The following BCAT1 variants were observed in gnomAD, a reference collection of about 807,000 sequenced individuals.
BCAT1 encodes the protein branched chain amino acid transaminase 1, also known as branched-chain-amino-acid aminotransferase, cytosolic.
In BCAT1, 48 loss-of-function variants were observed where a neutral mutation model predicts 52.4. The ratio of observed to expected loss-of-function variants is 0.92; its 90% confidence interval spans 0.73 to 1.16. The LOEUF is 1.16. Among genes scored for constraint, BCAT1 ranks in the 50% most tolerant of loss-of-function variants. BCAT1 has a pLI of 0.00. For synonymous variants in BCAT1, 167 were observed against 161.3 expected, an observed-to-expected ratio of 1.04 and a Z score of -0.27; for missense variants, 451 against 457.1, an observed-to-expected ratio of 0.99 and a Z score of 0.12.
At chr12:24,932,676 G>T (rs373883891) in intron 1 of BCAT1, among the ~76,000 whole-genome samples, 1 of 152,128 alleles carries the variant, frequency 6.6e-6, no homozygotes, top group Non-Finnish European at 1.5e-5. Context: ...TCCTTCTATC[G>T]CACAGGCTGG....
intron 5 of BCAT1, among the ~76,000 whole-genome samples, chr12:24,854,614 C>T (rs2139485513): frequency 6.6e-6 from 1 of 152,264 alleles, no homozygotes; most frequent in South Asian, 2.1e-4. Flanking sequence ...GCTACTATAG[C>T]TGGCTTGCTG....
intron 10 of BCAT1, among the ~76,000 whole-genome samples, chr12:24,823,962 T>A (rs545502659): frequency 4.6e-5 from 7 of 152,202 alleles, no homozygotes; most frequent in Non-Finnish European, 1.0e-4. Flanking sequence ...TGGTTTCCCA[T>A]CTTACCCCAA....
intron 1 of BCAT1, among the ~76,000 whole-genome samples, chr12:24,937,452 A>C (rs1943777285): frequency 1.3e-5 from 2 of 152,200 alleles, no homozygotes; most frequent in African/African-American, 4.8e-5. Flanking sequence ...TTCAAAACAT[A>C]ACAGGAAGAG....
chr12:24,847,826 G>C (rs542725541), intron 6 of BCAT1, among the ~76,000 whole-genome samples: 1 of 152,206 alleles, frequency 6.6e-6, no homozygotes, highest in African/African-American at 2.4e-5. Flanking sequence ...AGACTCAATA[G>C]TTATTTAATA....
intron 3 of BCAT1, among the ~76,000 whole-genome samples, chr12:24,882,566 T>C (rs527447129): frequency 3.7e-4 from 57 of 152,042 alleles, no homozygotes; most frequent in Non-Finnish European, 5.3e-4. Flanking sequence ...GAAAAAGATA[T>C]ATCATGCAAA....
chr12:24,901,827 A>AC lies in BCAT1; in HGVS notation c.64dup (p.Val22GlyfsTer5), dbSNP rs753291034. On this transcript the variant is annotated frameshift_variant, in exon 2 of 11. Transcript: ENST00000261192. LOFTEE classifies it high-confidence loss of function. ...CAAGCAACTTACCTTAAAAGTCCCC[A>AC]CCACCTCTTTTGATCCTCCTTCTCC... 3 of 1,613,850 alleles carry AC rather than the reference A, an allele frequency of 1.9e-6. No homozygotes were observed. In the African/African-American group the frequency reaches 4.0e-5, roughly 22 times the overall value.
At chr12:24,937,676 T>A (rs1034773922) in intron 1 of BCAT1, among the ~76,000 whole-genome samples, 3 of 152,106 alleles carry the variant, frequency 2.0e-5, no homozygotes, top group African/African-American at 7.2e-5. Flanking sequence ...TGAGTCACCA[T>A]GCCCCACCGG....
In BCAT1 at chr12:24,894,357, A is replaced by C; in HGVS notation, c.197T>G (p.Phe66Cys). The change falls in exon 3 of 11, where the codon TTT becomes TGT. Residue 66 changes from phenylalanine to cysteine, a missense_variant. Physicochemically the swap from Phe to Cys is radical, Grantham distance 205. Coordinates refer to ENST00000261192, the MANE Select transcript of BCAT1 (RefSeq NM_005504.7). ...CTTGATATGAGGTTTCTCCCATCCA[A>C]ACTCTGAGGACCACTCCACCGTCAG... ...HMLTVEWSSE[F>C]GWEKPHIKPL... The C allele has an allele frequency of 6.2e-7, 1 of 1,613,844 alleles. No homozygotes were observed. The highest frequency in any genetic ancestry group is 8.5e-7 in the Non-Finnish European group (1 of 1,179,862).
intron 1 of BCAT1, among the ~76,000 whole-genome samples, chr12:24,918,889 T>G (rs1468839237): frequency 2.0e-5 from 3 of 152,226 alleles, no homozygotes; most frequent in Non-Finnish European, 4.4e-5. Flanking sequence ...AGACTAGTTA[T>G]GACACTTGAT....
At chr12:24,873,389 T>C (rs1312638955) in intron 5 of BCAT1, among the ~76,000 whole-genome samples, 1 of 152,198 alleles carries the variant, frequency 6.6e-6, no homozygotes, top group African/African-American at 2.4e-5. Flanking sequence ...TTTATAAATA[T>C]GAGAAATCTT....
chr12:24,893,517 T>C (rs1196958758), intron 3 of BCAT1, among the ~76,000 whole-genome samples: 1 of 152,220 alleles, frequency 6.6e-6, no homozygotes, highest in Non-Finnish European at 1.5e-5. Context: ...TTAAATGAGA[T>C]GATTCATATA....
intron 1 of BCAT1, among the ~76,000 whole-genome samples, chr12:24,934,703 C>A (rs1034108759): frequency 6.6e-6 from 1 of 152,158 alleles, no homozygotes; most frequent in Non-Finnish European, 1.5e-5. Flanking sequence ...TAGGTGCACA[C>A]CACCACGCCC....
At chr12:24,836,789 A>AGAAG (rs1565454170) in intron 7 of BCAT1, among the ~76,000 whole-genome samples, 193 bp from the exon 8 acceptor site, 1 of 131,314 alleles carries the variant, frequency 7.6e-6, no homozygotes. Context: ...AAAAGAAGAA[A>AGAAG]GAAGGAAGGA....
chr12:24,947,004 T>C (rs948111205), intron 1 of BCAT1, among the ~76,000 whole-genome samples: 3 of 152,128 alleles, frequency 2.0e-5, no homozygotes, highest in African/African-American at 4.8e-5. Flanking sequence ...CAGCATTAAA[T>C]TCTTTTCCTC....
intron 2 of BCAT1, among the ~76,000 whole-genome samples, chr12:24,896,941 T>A (rs192271570): frequency 1.1e-4 from 17 of 152,214 alleles, no homozygotes; most frequent in African/African-American, 4.1e-4. Context: ...TCACAGAAGA[T>A]GTCCAGGATT....
chr12:24,920,525 G>GA (rs1943486669), intron 1 of BCAT1, among the ~76,000 whole-genome samples: 1 of 151,942 alleles, frequency 6.6e-6, no homozygotes, highest in Non-Finnish European at 1.5e-5. Context: ...GCTGTTTCCC[G>GA]AAAAACTCTC....
At chr12:24,911,289 C>A (rs964086315) in intron 1 of BCAT1, among the ~76,000 whole-genome samples, 1 of 152,082 alleles carries the variant, frequency 6.6e-6, no homozygotes, top group East Asian at 1.9e-4. Context: ...TATCAGTTAA[C>A]ACCAGATGAC....
At position 24,812,197 on chromosome 12, in the gene BCAT1, T is replaced by C; in HGVS notation, c.*5811A>G. On this transcript the variant is annotated 3_prime_UTR_variant, in exon 11 of 11. Transcript: ENST00000261192. ...AATGAGTTTAATGATCATAGGAAAC[T>C]AGTTTGAGGAAACTGCAATGTGTTA... The C allele has an allele frequency of 6.6e-6, 1 of 152,134 alleles. No individual in the cohort carries two copies. Among genetic ancestry groups the C allele is most frequent in the Non-Finnish European group, 1.5e-5 (1 of 67,962 alleles). 9.4% of individuals were successfully genotyped at this position (152,134 alleles called of 1,614,324 possible). A position where few individuals can be genotyped will look rare whatever the true frequency, so the allele number is the denominator to read the frequency against.
At chr12:24,918,664 A>G (rs1003939884) in intron 1 of BCAT1, among the ~76,000 whole-genome samples, 1 of 152,184 alleles carries the variant, frequency 6.6e-6, no homozygotes, top group Non-Finnish European at 1.5e-5. Flanking sequence ...GAAGTATATC[A>G]TATATCAAAA....
Sources: allele counts gnomAD v4.1 joint callset (sites outside exome capture counted in the v4.1 genomes callset), GRCh38; gene constraint gnomAD v4.1.1; transcripts MANE v1.5; gene names NCBI Gene and HGNC (gene_info 2026-07-23, HGNC 2026-07-21).